Variants in TTC28 observed in about 807,000 individuals in gnomAD.
TTC28 encodes the protein tetratricopeptide repeat domain 28.
In TTC28, 61 loss-of-function variants were observed where a neutral mutation model predicts 198.0. That is an observed-to-expected ratio of 0.31 (90% CI 0.25 to 0.38). The LOEUF is 0.38. Ranked by LOEUF, TTC28 falls within the 10% of genes least tolerant of loss-of-function variation. The pLI, the probability that TTC28 is intolerant of heterozygous loss-of-function variation, is 1.00. For missense variants in TTC28, 2,678 were observed against 3,164.0 expected (o/e 0.85, Z 3.69); for synonymous variants, 1,171 against 1,297.8 (o/e 0.90, Z 2.10).
rs550300086 is a variant in TTC28 at position 28,282,886 on chromosome 22, AC to A, written c.933+13311del. On this transcript the variant is annotated intron_variant, in intron 5 of 22. Coordinates refer to ENST00000397906, the MANE Select transcript of TTC28 (RefSeq NM_001145418.2). The stretch of plus-strand genomic sequence containing the variant: ...CAGCTGAGGGCAGAATGATTTGCAA[AC>A]ATTATCATACATTATACATATATAT... Among the ~76,000 whole-genome samples, 4 of 152,202 alleles carry A rather than the reference AC, an allele frequency of 2.6e-5. No homozygotes were observed. The South Asian group carries it at 8.3e-4, about 31-fold the overall frequency.
intron 5 of TTC28, among the ~76,000 whole-genome samples, chr22:28,253,073 A>G (rs1411565912): frequency 1.3e-5 from 2 of 152,224 alleles, no homozygotes; most frequent in Non-Finnish European, 2.9e-5. Context: ...TATGAAAAGA[A>G]AATTATAAAT....
chr22:28,084,109 A>G (rs1941470045), intron 12 of TTC28, among the ~76,000 whole-genome samples: 1 of 152,228 alleles, frequency 6.6e-6, no homozygotes, highest in Non-Finnish European at 1.5e-5. Flanking sequence ...AACAAAAGAC[A>G]GCAACAACCT....
intron 6 of TTC28, among the ~76,000 whole-genome samples, chr22:28,159,421 C>T (rs57402194): frequency 2.6e-5 from 4 of 152,142 alleles, no homozygotes; most frequent in East Asian, 1.9e-4. Flanking sequence ...TCTGGGAGGC[C>T]GAGGCAGGCA....
At chr22:28,521,606 C>T (rs1313431553) in intron 2 of TTC28, among the ~76,000 whole-genome samples, 1 of 152,058 alleles carries the variant, frequency 6.6e-6, no homozygotes. Context: ...CTCCCCCAGC[C>T]GTAAGATTGC....
At chr22:28,283,939 A>G (rs551056579) in intron 5 of TTC28, among the ~76,000 whole-genome samples, 1 of 152,296 alleles carries the variant, frequency 6.6e-6, no homozygotes, top group East Asian at 1.9e-4. Flanking sequence ...CTGAGTTGGT[A>G]TTTACTACTT....
chr22:28,563,572 T>A (rs766147749), intron 2 of TTC28, among the ~76,000 whole-genome samples: 30 of 152,264 alleles, frequency 2.0e-4, no homozygotes, highest in Admixed American at 7.2e-4. Flanking sequence ...TTGATTTGCA[T>A]CAATCAATGC....
Position 28,108,222 on chromosome 22 carries a change from C to T in TTC28, c.1623G>A (p.Leu541=), listed in dbSNP as rs762706607. Residue 541 remains leucine, a synonymous_variant, in exon 7 of 23, where the codon CTG becomes CTA. Coordinates refer to ENST00000397906, the MANE Select transcript of TTC28 (RefSeq NM_001145418.2). ...GGTCATTCACTTCCATGGAGATCTG[C>T]AGCTCCTGCCGATGGTATTTGACCG... is the stretch of plus-strand genomic sequence containing the variant. The part of the protein sequence containing the change: ...DQAVKYHRQE[L]QISMEVNDRA... 3 of 1,551,148 alleles carry T rather than the reference C, an allele frequency of 1.9e-6. No individual in the cohort carries two copies. The highest frequency in any genetic ancestry group is 2.7e-5 in the African/African-American group (2 of 73,042).
At chr22:28,636,127 ATTTT>A (rs71316851) in intron 1 of TTC28, among the ~76,000 whole-genome samples, 45 of 65,730 alleles carry the variant, frequency 6.8e-4, no homozygotes, top group African/African-American at 2.7e-3. Context: ...AAATGTCAGG[ATTTT>A]TTTTTTTTTT....
At chr22:28,195,988 A>G (rs1399683424) in intron 5 of TTC28, among the ~76,000 whole-genome samples, 4 of 151,940 alleles carry the variant, frequency 2.6e-5, no homozygotes, top group Non-Finnish European at 4.4e-5. Flanking sequence ...AGTCAATCCT[A>G]AGCCAAAAGA....
chr22:28,160,360 T>C (rs1344253249), intron 6 of TTC28, among the ~76,000 whole-genome samples: 2 of 152,160 alleles, frequency 1.3e-5, no homozygotes, highest in African/African-American at 2.4e-5. Flanking sequence ...ACAGAAATTT[T>C]TTTAAAAAGG....
intron 1 of TTC28, among the ~76,000 whole-genome samples, chr22:28,653,626 C>T (rs2051598265): frequency 6.6e-6 from 1 of 152,142 alleles, no homozygotes; most frequent in African/African-American, 2.4e-5. Flanking sequence ...TCTTATCTCT[C>T]ATTTGTTCTT....
chr22:28,443,125 C>G (rs752685048), intron 2 of TTC28: 1 of 152,198 alleles, frequency 6.6e-6, no homozygotes, highest in Non-Finnish European at 1.5e-5. Flanking sequence ...TCCCACCAGG[C>G]TAGGAAGTCC....
chr22:28,614,022 C>T (rs1211615613), intron 2 of TTC28, among the ~76,000 whole-genome samples: 1 of 152,204 alleles, frequency 6.6e-6, no homozygotes, highest in African/African-American at 2.4e-5. Flanking sequence ...TTCCAGATGA[C>T]ATGATTGTAT....
intron 2 of TTC28, among the ~76,000 whole-genome samples, chr22:28,369,684 T>A (rs2046300812): frequency 6.6e-6 from 1 of 152,188 alleles, no homozygotes; most frequent in Non-Finnish European, 1.5e-5. Context: ...TCCTTAAATA[T>A]AATAAACGTT....
chr22:28,515,437 G>A (rs921499114), intron 2 of TTC28, among the ~76,000 whole-genome samples: 1 of 152,080 alleles, frequency 6.6e-6, no homozygotes, highest in South Asian at 2.1e-4. Flanking sequence ...AAAACCACAC[G>A]TGGGCATATA....
At chr22:28,009,048 G>T (rs890785595) in intron 14 of TTC28, among the ~76,000 whole-genome samples, 1 of 152,216 alleles carries the variant, frequency 6.6e-6, no homozygotes, top group Non-Finnish European at 1.5e-5. Context: ...TTTCTTTAGT[G>T]ACATTTTCTC....
chr22:28,041,714 A>G (rs570030004), intron 12 of TTC28, among the ~76,000 whole-genome samples: 150 of 152,326 alleles, frequency 9.8e-4, no homozygotes, highest in African/African-American at 3.3e-3. Context: ...AATGGCAACA[A>G]AAGCCAAAAT....
intron 5 of TTC28, among the ~76,000 whole-genome samples, chr22:28,237,769 A>C (rs904097046): frequency 4.6e-5 from 7 of 152,254 alleles, no homozygotes; most frequent in South Asian, 2.1e-4. Context: ...CACCTGAAAA[A>C]ATTCCTTTAA....
At chr22:28,620,906 C>A (rs1016153661) in intron 2 of TTC28, among the ~76,000 whole-genome samples, 2 of 152,168 alleles carry the variant, frequency 1.3e-5, no homozygotes, top group Admixed American at 1.3e-4. Flanking sequence ...TCAAGAGTTT[C>A]AGTTGGAAAT....
Sources: gnomAD v4.1 joint callset for allele counts (sites outside exome capture counted in the v4.1 genomes callset) on GRCh38, gnomAD v4.1.1 for gene constraint, MANE v1.5 for transcripts, NCBI Gene and HGNC (gene_info 2026-07-23, HGNC 2026-07-21) for gene names.